The following EOMES variants were observed in gnomAD, a reference collection of about 807,000 sequenced individuals.
EOMES encodes the protein eomesodermin homolog.
EOMES carries 18 observed loss-of-function variants against 61.0 expected under a neutral mutation model. That is an observed-to-expected ratio of 0.30 (90% CI 0.20 to 0.44). The LOEUF is 0.44. EOMES is among the 20% of genes least tolerant of loss of function. The pLI is 1.00. For missense variants in EOMES, 885 were observed against 939.2 expected (o/e 0.94, Z 0.75); for synonymous variants, 430 against 394.0 (o/e 1.09, Z -1.08).
rs1226603748 is a variant in EOMES, at chr3:27,721,959, C to G, written c.336G>C (p.Glu112Asp). ...DGRKGSPCGE[E>D]ELPSAAAAAA... ...CGGCTGCAGCGGCGGAGGGCAGCTC[C>G]TCCTCCCCGCAGGGGGAGCCCTTGC... Residue 112 changes from glutamate (E) to aspartate (D), a missense_variant, in exon 1 of 6, where the codon GAG (glutamate) becomes GAC (aspartate). Physicochemically the swap from Glu to Asp is conservative, Grantham distance 45. Coordinates refer to ENST00000449599, the MANE Select transcript of EOMES (RefSeq NM_001278182.2). This position sits in a 1 kb window ranked among gnomAD's most constrained non-coding sequence, Gnocchi z 7.4. 1 of 1,424,072 alleles carries G rather than the reference C, an allele frequency of 7.0e-7. No individual in the cohort carries two copies. The highest frequency in any genetic ancestry group is 3.8e-5 in the Admixed American group (1 of 26,104). 88.2% of individuals were successfully genotyped at this position (1,424,072 alleles called of 1,614,324 possible).
At position 27,721,776 on chromosome 3, in the gene EOMES, G is replaced by A. The variant is rs1234669412; in HGVS notation, c.519C>T (p.His173=). The A allele has an allele frequency of 1.3e-6, 2 of 1,498,778 alleles. No homozygotes were observed. The highest frequency in any genetic ancestry group is 2.6e-5 in the East Asian group (1 of 38,172). 92.8% of individuals were successfully genotyped at this position (1,498,778 alleles called of 1,614,324 possible). A position where few individuals can be genotyped will look rare whatever the true frequency, so the allele number is the denominator to read the frequency against. ...FPYQAAAGAP[H]GPVYPAPNGA... ...CGTTAGGAGCCGGGTACACAGGTCC[G>A]TGGGGCGCCCCAGCCGCCGCCTGGT... is the stretch of plus-strand genomic sequence containing the variant. The change falls in exon 1 of 6, where the codon CAC becomes CAT. Residue 173 remains histidine, a synonymous_variant. Coordinates refer to ENST00000449599, the MANE Select transcript of EOMES (RefSeq NM_001278182.2). This position sits in a 1 kb window ranked among gnomAD's most constrained non-coding sequence, Gnocchi z 7.4.
chr3:27,721,425 C>G lies in EOMES; in HGVS notation c.870G>C (p.Thr290=). 1 of 1,612,124 alleles carries G rather than the reference C, an allele frequency of 6.2e-7. No homozygotes were observed. The highest frequency in any genetic ancestry group is 1.1e-5 in the South Asian group (1 of 90,550). ...FHRHQTEMII[T]KQGRRMFPFL... is the part of the protein sequence containing the mutation. ...CACGCTGCGCTCACCTGCCCTGTTT[C>G]GTAATGATCATCTCAGTTTGGTGGC... The change falls in exon 1 of 6, where the codon ACG becomes ACC. Residue 290 remains threonine (T), a synonymous_variant. Transcript: ENST00000449599. This position sits in a 1 kb window ranked among gnomAD's most constrained non-coding sequence, Gnocchi z 7.4.
At chr3:27,720,128 T>C (rs1576804239) in intron 2 of EOMES, 43 bp downstream of exon 2, 14 of 1,518,728 alleles carry the variant, frequency 9.2e-6, no homozygotes, top group Non-Finnish European at 1.2e-5. Flanking sequence ...TTACGATTTC[T>C]TCCCGCCCGT....
Position 27,722,098 on chromosome 3 carries a change from C to G in EOMES, c.197G>C (p.Gly66Ala). Reference protein sequence around the residue: ...SGSLSCEAVSGEPAAASAGAP... With the variant: ...SGSLSCEAVSAEPAAASAGAP... The stretch of plus-strand genomic sequence containing the variant: ...CCCTGCGCTGGCGGCTGCGGGCTCC[C>G]CGCTCACCGCCTCGCAGGAGAGACT... Residue 66 changes from glycine (G) to alanine (A), a missense_variant, in exon 1 of 6, where the codon GGG becomes GCG. Gly to Ala is a moderately conservative substitution (Grantham distance 60). Around this residue, in one of 3 missense-constraint regions of EOMES, gnomAD observed 449 missense variants for 383.6 expected, o/e 1.17. Transcript: ENST00000449599. The G allele has an allele frequency of 6.5e-7, 1 of 1,548,886 alleles. No homozygotes were observed. Among genetic ancestry groups the G allele is most frequent in the Non-Finnish European group, 8.7e-7 (1 of 1,146,452 alleles).
Position 27,721,849 on chromosome 3 carries a change from G to C in EOMES, c.446C>G (p.Pro149Arg), listed in dbSNP as rs1186605432. Residue 149 changes from proline to arginine, a missense_variant, in exon 1 of 6, where the codon CCC becomes CGC. Coordinates refer to ENST00000449599, the MANE Select transcript of EOMES (RefSeq NM_001278182.2). The surrounding 1 kb of genome is among the most constrained non-coding windows in gnomAD (Gnocchi z 7.4). ...LSSERYYLQS[P>R]GPQGSELAAP... is the part of the protein sequence containing the mutation. ...AGCCAGCTCCGACCCCTGAGGACCG[G>C]GGGACTGGAGGTAGTACCGCTCGGA... 2.0e-6 allele frequency: 3 copies of C among 1,517,478 alleles called. No homozygotes were observed. The highest frequency in any genetic ancestry group is 4.6e-5 in the Admixed American group (2 of 43,612). 94.0% of individuals were successfully genotyped at this position (1,517,478 alleles called of 1,614,324 possible).
rs2060601326 is a variant in EOMES at position 27,720,273 on chromosome 3, G to A, written c.934C>T (p.His312Tyr). ...ACCACCTCTACGAACACATTGTAGTGGGCAGTGGGATTGAGTCCGTTTATG... is the reference window on the plus strand; with the variant it reads ...ACCACCTCTACGAACACATTGTAGTAGGCAGTGGGATTGAGTCCGTTTATG... The part of the protein sequence containing the change: ...FNINGLNPTA[H>Y]YNVFVEVVLA... The change falls in exon 2 of 6, where the codon CAC becomes TAC. Residue 312 changes from histidine to tyrosine, a missense_variant. By Grantham distance (83) the His-to-Tyr change is moderately conservative (BLOSUM62 2). Coordinates refer to ENST00000449599, the MANE Select transcript of EOMES (RefSeq NM_001278182.2). 6.2e-6 allele frequency: 10 copies of A among 1,613,586 alleles called. No individual in the cohort carries two copies. The highest frequency in any genetic ancestry group is 2.2e-5 in the East Asian group (1 of 44,878).
At chr3:27,719,047 G>GCC (rs57111796) in intron 3 of EOMES, among the ~76,000 whole-genome samples, 154 bp from the exon 4 acceptor site, 97 of 149,934 alleles carry the variant, frequency 6.5e-4, no homozygotes, top group African/African-American at 2.1e-3. Context: ...TCTCATTATT[G>GCC]CCCCCCCCCT....
At chr3:27,719,876 C>T (rs996085546) in intron 2 of EOMES, among the ~76,000 whole-genome samples, 2 of 152,052 alleles carry the variant, frequency 1.3e-5, no homozygotes, top group African/African-American at 4.8e-5. Flanking sequence ...ATCCCAGGAG[C>T]CCTTCCCACC....
chr3:27,717,821 G>C lies in EOMES; in HGVS notation c.1380-13C>G. 2.9e-6 allele frequency: 4 copies of C among 1,403,186 alleles called. No individual in the cohort carries two copies. The highest frequency in any genetic ancestry group is 2.8e-6 in the Non-Finnish European group (3 of 1,053,546). The allele number at this position is 1,403,186 out of a possible 1,614,324, so 86.9% of individuals were successfully genotyped here. A position where few individuals can be genotyped will look rare whatever the true frequency, so the allele number is the denominator to read the frequency against. On this transcript the variant is annotated splice_polypyrimidine_tract_variant and intron_variant, in intron 5 of 5. Transcript: ENST00000449599. The surrounding 1 kb of genome is among the most constrained non-coding windows in gnomAD (Gnocchi z 4.5). ...AGCGGTGTACATGCTACAATATAAA[G>C]AGAAACACTTAAAAAAAAAAAAAAA... is the stretch of plus-strand genomic sequence containing the variant.
At position 27,716,179 on chromosome 3, in the gene EOMES, A is replaced by G. The variant is rs2060567944; in HGVS notation, c.*891T>C. ...ATTCTTAACTATCTAAGAAGTAAAC[A>G]GAATATTCCCAAATATCATGGGGAT... On this transcript the variant is annotated 3_prime_UTR_variant, in exon 6 of 6. Coordinates refer to ENST00000449599, the MANE Select transcript of EOMES (RefSeq NM_001278182.2). 6.6e-6 allele frequency: 1 copy of G among 152,240 alleles called. No individual in the cohort carries two copies. Among genetic ancestry groups the G allele is most frequent in the Non-Finnish European group, 1.5e-5 (1 of 68,046 alleles). 9.4% of individuals were successfully genotyped at this position (152,240 alleles called of 1,614,324 possible).
Position 27,717,033 on chromosome 3 carries a change from C to T in EOMES, c.*37G>A. 5 of 1,539,068 alleles carry T rather than the reference C, an allele frequency of 3.2e-6. No homozygotes were observed. The highest frequency in any genetic ancestry group is 2.1e-4 in the Middle Eastern group (1 of 4,868). Reference sequence around the variant, plus strand: ...CAAAAAACACCACCAAGTCCATCTGCAAAAAGTTAGCTAATTTTTGAGGTT... The same window carrying T: ...CAAAAAACACCACCAAGTCCATCTGTAAAAAGTTAGCTAATTTTTGAGGTT... On this transcript the variant is annotated 3_prime_UTR_variant, in exon 6 of 6. Coordinates refer to ENST00000449599, the MANE Select transcript of EOMES (RefSeq NM_001278182.2). The surrounding 1 kb of genome is among the most constrained non-coding windows in gnomAD (Gnocchi z 4.5).
rs1431255626 is a variant in EOMES, at chr3:27,721,995, G to A, written c.300C>T (p.Pro100=). ...AGGGGGAGCCCTTGCGGCCGTCCGG[G>A]GGCCCCGGCTTGGCCACTGCCGCAG... The part of the protein sequence containing the change: ...ASAAAVAKPG[P]PDGRKGSPCG... Residue 100 remains proline (P), a synonymous_variant, in exon 1 of 6, where the codon CCC becomes CCT. Transcript: ENST00000449599. This position sits in a 1 kb window ranked among gnomAD's most constrained non-coding sequence, Gnocchi z 7.4. 2.0e-6 allele frequency: 3 copies of A among 1,472,284 alleles called. No individual in the cohort carries two copies. Among genetic ancestry groups the A allele is most frequent in the Non-Finnish European group, 2.7e-6 (3 of 1,118,468 alleles). 91.2% of individuals were successfully genotyped at this position (1,472,284 alleles called of 1,614,324 possible).
Position 27,720,152 on chromosome 3 carries a change from G to T in EOMES, c.1036+19C>A, listed in dbSNP as rs202001421. On this transcript the variant is annotated intron_variant, in intron 2 of 5. Transcript: ENST00000449599. ...CTTCCCGCCCGTTCCTCCCCGGCCC[G>T]AGCCTCTTCTCTGCTCACCCTGCAT... 75 of 1,539,704 alleles carry T rather than the reference G, an allele frequency of 4.9e-5. No homozygotes were observed. In the Middle Eastern group the frequency reaches 7.0e-4, roughly 14 times the overall value.
At position 27,719,346 on chromosome 3, in the gene EOMES, C is replaced by T. The variant is rs1317926913; in HGVS notation, c.1158+14G>A. 2 of 1,613,804 alleles carry T rather than the reference C, an allele frequency of 1.2e-6. No individual in the cohort carries two copies. Among genetic ancestry groups the T allele is most frequent in the African/African-American group, 2.7e-5 (2 of 75,028 alleles). ...CAAAGCCAGAAGATATCCCCTCCTG[C>T]TCTGTCACTCTACCTGGGTGTTGTT... On this transcript the variant is annotated intron_variant, in intron 3 of 5. Coordinates refer to ENST00000449599, the MANE Select transcript of EOMES (RefSeq NM_001278182.2).
chr3:27,721,087 C>G lies in EOMES; in HGVS notation c.881+327G>C, dbSNP rs1473769597. Among the ~76,000 whole-genome samples, 2 of 152,204 alleles carry G rather than the reference C, an allele frequency of 1.3e-5. No homozygotes were observed. Among genetic ancestry groups the G allele is most frequent in the Non-Finnish European group, 2.9e-5 (2 of 68,028 alleles). ...CGGCATGCAGGCATGCACAAGCATA[C>G]CGCCGAGCAGGAGGATCTAACGAAT... is the stretch of plus-strand genomic sequence containing the variant. On this transcript the variant is annotated intron_variant, in intron 1 of 5. Transcript: ENST00000449599. The surrounding 1 kb of genome is among the most constrained non-coding windows in gnomAD (Gnocchi z 7.4).
chr3:27,718,656 G>T lies in EOMES; in HGVS notation c.1318-8C>A. ...AATCTTTAGTTGAGTAATCTAGATAGGGGAGAAAAACAGTCATTGAGTGAT... is the reference window on the plus strand; with the variant it reads ...AATCTTTAGTTGAGTAATCTAGATATGGGAGAAAAACAGTCATTGAGTGAT... On this transcript the variant is annotated splice_region_variant and splice_polypyrimidine_tract_variant and intron_variant, in intron 4 of 5. Coordinates refer to ENST00000449599, the MANE Select transcript of EOMES (RefSeq NM_001278182.2). 1 of 1,613,150 alleles carries T rather than the reference G, an allele frequency of 6.2e-7. No individual in the cohort carries two copies.
rs757783360 is a variant in EOMES at position 27,718,738 on chromosome 3, G to A, written c.1314C>T (p.Thr438=). 189 of 1,613,964 alleles carry A rather than the reference G, an allele frequency of 1.2e-4. No individual in the cohort carries two copies. The highest frequency in any genetic ancestry group is 6.5e-4 in the East Asian group (29 of 44,892). ...QFIAVTAYQN[T]DITQLKIDHN... is the part of the protein sequence containing the mutation. ...TTGAGATGTCTGGGACACTCACATC[G>A]GTGTTTTGGTAGGCAGTCACTGCAA... The change falls in exon 4 of 6, where the codon ACC becomes ACT. Residue 438 remains threonine (T), a synonymous_variant. Transcript: ENST00000449599.
rs2060582087 is a variant in EOMES at position 27,717,884 on chromosome 3, T to A, written c.1380-76A>T. 7.2e-6 allele frequency: 8 copies of A among 1,108,522 alleles called. No homozygotes were observed. The East Asian group carries it at 2.1e-4, about 29-fold the overall frequency. The allele number at this position is 1,108,522 out of a possible 1,614,324, so 68.7% of individuals were successfully genotyped here. A position where few individuals can be genotyped will look rare whatever the true frequency, so the allele number is the denominator to read the frequency against. ...CCCCAAACAAACCACCTCCCAGAAA[T>A]GAAAAAGGCTTGTGTTGGTTATCTA... is the stretch of plus-strand genomic sequence containing the variant. On this transcript the variant is annotated intron_variant, in intron 5 of 5. Coordinates refer to ENST00000449599, the MANE Select transcript of EOMES (RefSeq NM_001278182.2). This position sits in a 1 kb window ranked among gnomAD's most constrained non-coding sequence, Gnocchi z 4.5.
Position 27,720,285 on chromosome 3 carries a change from T to C in EOMES, c.922A>G (p.Asn308Asp). 1 of 1,613,912 alleles carries C rather than the reference T, an allele frequency of 6.2e-7. No individual in the cohort carries two copies. ...AACACATTGTAGTGGGCAGTGGGAT[T>C]GAGTCCGTTTATGTTGAAGCTCAAG... ...PFLSFNINGL[N>D]PTAHYNVFVE... Residue 308 changes from asparagine to aspartate, a missense_variant, in exon 2 of 6, where the codon AAT (asparagine) becomes GAT (aspartate). Transcript: ENST00000449599.
Sources: allele counts gnomAD v4.1 joint callset (sites outside exome capture counted in the v4.1 genomes callset), GRCh38; gene constraint gnomAD v4.1.1; regional missense constraint gnomAD v4.1.1; non-coding constraint Gnocchi (gnomAD v3.1); transcripts MANE v1.5; gene names NCBI Gene and HGNC (gene_info 2026-07-23, HGNC 2026-07-21).